Variants in STRBP observed in about 807,000 individuals in gnomAD.
STRBP encodes the protein spermatid perinuclear RNA-binding protein.
In STRBP, 13 loss-of-function variants were observed where a neutral mutation model predicts 80.1. That is an observed-to-expected ratio of 0.16 (90% CI 0.11 to 0.26). The LOEUF is 0.26. STRBP is among the 10% of genes least tolerant of loss of function. STRBP has a pLI of 1.00. For missense variants in STRBP, 485 were observed against 815.2 expected, an observed-to-expected ratio of 0.59 and a Z score of 4.93; for synonymous variants, 284 against 291.2, an observed-to-expected ratio of 0.98 and a Z score of 0.25.
At chr9:123,194,608 T>C (rs1159180662) in intron 2 of STRBP, among the ~76,000 whole-genome samples, 1 of 152,166 alleles carries the variant, frequency 6.6e-6, no homozygotes, top group Non-Finnish European at 1.5e-5. Context: ...TGGGTTTTTA[T>C]TTCCTCTCCT....
intron 3 of STRBP, 93 bp downstream of exon 3, chr9:123,184,039 C>G (rs1209083577): frequency 7.7e-7 from 1 of 1,294,226 alleles, no homozygotes; most frequent in African/African-American, 1.5e-5. Flanking sequence ...ATTAACACCA[C>G]TGTTTTTCAT....
intron 1 of STRBP, among the ~76,000 whole-genome samples, chr9:123,253,424 G>T (rs2040958173): frequency 6.6e-6 from 1 of 152,200 alleles, no homozygotes; most frequent in Non-Finnish European, 1.5e-5. Context: ...ACTGCTAAGA[G>T]AGTACTGAAT....
rs1554762956 is a variant in STRBP, at chr9:123,200,762, T to TTTTTTTTTTTA, written c.-164-16465_-164-16464insTAAAAAAAAAA. Among the ~76,000 whole-genome samples, 160 of 133,534 alleles carry TTTTTTTTTTTA rather than the reference T, an allele frequency of 1.2e-3. 8 individuals carry two copies. Among genetic ancestry groups the TTTTTTTTTTTA allele is most frequent in the African/African-American group, 4.3e-3 (148 of 34,218 alleles). The allele number at this position is 133,534 out of a possible 152,430, so 87.6% of individuals were successfully genotyped here. A position where few individuals can be genotyped will look rare whatever the true frequency, so the allele number is the denominator to read the frequency against. On this transcript the variant is annotated intron_variant, in intron 2 of 18. Coordinates refer to ENST00000348403, the MANE Select transcript of STRBP (RefSeq NM_018387.5). ...TTTTTTTTTTTTTTTTTTTTTTTTT[T>TTTTTTTTTTTA]AGTAGAGACCAGGTTTCACCATGTT...
intron 1 of STRBP, among the ~76,000 whole-genome samples, chr9:123,257,316 C>G (rs1455564889): frequency 2.6e-5 from 4 of 152,144 alleles, no homozygotes; most frequent in Non-Finnish European, 5.9e-5. Flanking sequence ...CACACACCCT[C>G]GCTGAAATCG....
At chr9:123,184,636 A>C (rs1220948127) in intron 2 of STRBP, among the ~76,000 whole-genome samples, 7 of 152,194 alleles carry the variant, frequency 4.6e-5, no homozygotes, top group Admixed American at 1.3e-4. Flanking sequence ...TAACCATTAG[A>C]TTTTCAATCA....
In STRBP at chr9:123,159,870, A is replaced by G. The variant is rs1462108685; in HGVS notation, c.723+497T>C. The stretch of plus-strand genomic sequence containing the variant: ...ATATAAATGATATCCATATGGGGTT[A>G]AGTGTACTGTTTGCCTGACTTTAAT... On this transcript the variant is annotated intron_variant, in intron 8 of 18. Coordinates refer to ENST00000348403, the MANE Select transcript of STRBP (RefSeq NM_018387.5). Among the ~76,000 whole-genome samples, 9 of 152,338 alleles carry G rather than the reference A, an allele frequency of 5.9e-5. No homozygotes were observed. The East Asian group carries it at 1.7e-3, about 29-fold the overall frequency.
chr9:123,228,585 G>A (rs866109416), intron 2 of STRBP, among the ~76,000 whole-genome samples: 1 of 152,308 alleles, frequency 6.6e-6, no homozygotes, highest in Middle Eastern at 3.4e-3. Context: ...ACAAAATGAG[G>A]ACTGTGAACT....
intron 2 of STRBP, among the ~76,000 whole-genome samples, chr9:123,210,083 T>C (rs1357077070): frequency 6.6e-6 from 1 of 152,322 alleles, no homozygotes; most frequent in Middle Eastern, 3.4e-3. Context: ...TTATATATAT[T>C]GGTATATTCG....
Position 123,122,471 on chromosome 9 carries a change from C to A in STRBP, c.*3126G>T. ...AAAAAAAAAAAAGAAAAGGCCAATA[C>A]CAGCAAAATCTCTCAGTGGTTTGTT... On this transcript the variant is annotated 3_prime_UTR_variant, in exon 19 of 19. Transcript: ENST00000348403. The A allele has an allele frequency of 8.3e-7, 1 of 1,200,790 alleles. No individual in the cohort carries two copies. Among genetic ancestry groups the A allele is most frequent in the Non-Finnish European group, 1.0e-6 (1 of 953,420 alleles). The allele number at this position is 1,200,790 out of a possible 1,614,324, so 74.4% of individuals were successfully genotyped here.
At chr9:123,155,284 TA>T (rs1459879918) in intron 11 of STRBP, among the ~76,000 whole-genome samples, 6 of 152,134 alleles carry the variant, frequency 3.9e-5, no homozygotes, top group Admixed American at 2.0e-4. Flanking sequence ...AACAGTTATC[TA>T]GGAAACTGGA....
chr9:123,207,962 G>A (rs892567308), intron 2 of STRBP, among the ~76,000 whole-genome samples: 5 of 152,120 alleles, frequency 3.3e-5, no homozygotes, highest in Non-Finnish European at 7.4e-5. Flanking sequence ...CGTAAGATAC[G>A]TAGAAACAAA....
chr9:123,210,342 A>G (rs968746508), intron 2 of STRBP, among the ~76,000 whole-genome samples: 2 of 152,142 alleles, frequency 1.3e-5, no homozygotes, highest in Non-Finnish European at 2.9e-5. Context: ...AGTTACAAAC[A>G]AGATTTTTGG....
chr9:123,114,386 A>T (rs1392984862), intron 3 of STRBP: 1 of 167,162 alleles, frequency 6.0e-6, no homozygotes, highest in Non-Finnish European at 1.5e-5. Context: ...ACTGTGTTCC[A>T]CAGATGCTGA....
At chr9:123,243,857 G>C (rs766221322) in intron 1 of STRBP, among the ~76,000 whole-genome samples, 1 of 152,244 alleles carries the variant, frequency 6.6e-6, no homozygotes, top group Non-Finnish European at 1.5e-5. Context: ...GAAAAGTTTA[G>C]AAGTTTCTCA....
intron 11 of STRBP, among the ~76,000 whole-genome samples, chr9:123,155,337 C>G (rs1488764001): frequency 6.6e-6 from 1 of 151,948 alleles, no homozygotes; most frequent in African/African-American, 2.4e-5. Context: ...CACAAACAGC[C>G]CTATTAAATT....
downstream of STRBP, among the ~76,000 whole-genome samples, chr9:123,118,575 C>A (rs534365525): frequency 2.0e-5 from 3 of 152,336 alleles, no homozygotes; most frequent in East Asian, 5.8e-4. Flanking sequence ...GCTGGCTGAA[C>A]AAGGCAAAGA....
chr9:123,201,212 G>T (rs1047169062), intron 2 of STRBP, among the ~76,000 whole-genome samples: 2 of 151,912 alleles, frequency 1.3e-5, no homozygotes, highest in Non-Finnish European at 2.9e-5. Context: ...TTTTGTGTGT[G>T]TTTGAATTTC....
intron 2 of STRBP, among the ~76,000 whole-genome samples, chr9:123,209,639 C>T (rs568138147): frequency 6.6e-6 from 1 of 152,224 alleles, no homozygotes; most frequent in African/African-American, 2.4e-5. Flanking sequence ...TGTATGTGTG[C>T]ACATGTGTGC....
chr9:123,119,034 A>G (rs1370210995), downstream of STRBP, among the ~76,000 whole-genome samples: 1 of 152,224 alleles, frequency 6.6e-6, no homozygotes, highest in Non-Finnish European at 1.5e-5. Context: ...TGTTTTCTCT[A>G]AGACTAATAG....
Sources: gnomAD v4.1 joint callset for allele counts (sites outside exome capture counted in the v4.1 genomes callset) on GRCh38, gnomAD v4.1.1 for gene constraint, MANE v1.5 for transcripts, NCBI Gene and HGNC (gene_info 2026-07-23, HGNC 2026-07-21) for gene names.